The following ABCA12 variants were observed in gnomAD, a reference collection of about 807,000 sequenced individuals.
The protein encoded by ABCA12 is ATP binding cassette subfamily A member 12.
ABCA12 carries 156 observed loss-of-function variants against 293.5 expected under a neutral mutation model. That is an observed-to-expected ratio of 0.53 (90% CI 0.47 to 0.61). The LOEUF (loss-of-function observed/expected upper bound fraction) is 0.61, where lower values mean the gene tolerates loss of function less well. Ranked by LOEUF, ABCA12 falls within the 20% of genes least tolerant of loss-of-function variation. The probability of loss-of-function intolerance (pLI) is 0.00; values close to 1 mark genes in which losing one functional copy is unlikely to be tolerated. For synonymous variants in ABCA12, 1,063 were observed against 1,108.0 expected, an observed-to-expected ratio of 0.96 and a Z score of 0.81; for missense variants, 2,797 against 3,090.2, an observed-to-expected ratio of 0.91 and a Z score of 2.25.
chr2:214,978,912 G>A lies in ABCA12; in HGVS notation c.4869C>T (p.Phe1623=). The change falls in exon 32 of 53, where the codon TTC becomes TTT. Residue 1623 remains phenylalanine, a synonymous_variant. Transcript: ENST00000272895. The part of the protein sequence containing the change: ...GGELVYVLPP[F]STKVSGAYLS... The stretch of plus-strand genomic sequence containing the variant: ...GGTAGGCCCCTGAGACTTTGGTGCT[G>A]AATGGAGGAAGTACATAAACAAGCT... The A allele has an allele frequency of 1.2e-6, 2 of 1,614,072 alleles. No homozygotes were observed. Among genetic ancestry groups the A allele is most frequent in the South Asian group, 2.2e-5 (2 of 91,076 alleles).
chr2:215,096,806 G>T (rs1394444898), intron 2 of ABCA12, among the ~76,000 whole-genome samples: 1 of 152,126 alleles, frequency 6.6e-6, no homozygotes, highest in African/African-American at 2.4e-5. Flanking sequence ...ATTGCCATGG[G>T]TCATTCTTCA....
chr2:215,064,247 C>A (rs1422391578), intron 2 of ABCA12, 28 bp from the exon 3 acceptor site: 1 of 1,608,954 alleles, frequency 6.2e-7, no homozygotes, highest in East Asian at 2.2e-5. Context: ...GTCATTACAT[C>A]AGTATGGCAC....
intron 49 of ABCA12, among the ~76,000 whole-genome samples, chr2:214,944,468 AG>A (rs1698512665): frequency 6.6e-6 from 1 of 152,070 alleles, no homozygotes; most frequent in Non-Finnish European, 1.5e-5. Flanking sequence ...CAGCCAAAGA[AG>A]GGGCTTGGAG....
intron 1 of ABCA12, among the ~76,000 whole-genome samples, chr2:215,118,498 CA>C (rs1480254811): frequency 6.6e-6 from 1 of 152,004 alleles, no homozygotes; most frequent in Non-Finnish European, 1.5e-5. Context: ...ACTCCAAAAA[CA>C]AAAACAAAAG....
chr2:215,079,582 A>G (rs1701897005), intron 2 of ABCA12, among the ~76,000 whole-genome samples: 1 of 152,196 alleles, frequency 6.6e-6, no homozygotes. Context: ...AAATGTCATT[A>G]ATGTCTCCCA....
At chr2:215,046,536 T>C (rs1057232008) in intron 6 of ABCA12, among the ~76,000 whole-genome samples, 7 of 149,300 alleles carry the variant, frequency 4.7e-5, no homozygotes, top group African/African-American at 1.7e-4. Flanking sequence ...TATATATACA[T>C]AATTCAGGAA....
rs372196196 is a variant in ABCA12 at position 215,007,820 on chromosome 2, C to T, written c.2499G>A (p.Ala833=). The T allele has an allele frequency of 1.2e-4, 189 of 1,613,778 alleles. 3 individuals carry two copies. In the Admixed American group the frequency reaches 1.4e-3, roughly 12 times the overall value. ...ACTCTTGAGATTTTTCTCTTAATTC[C>T]GCCAGCTGTCTCAGAGTTACATTGG... ...EKSNVTLRQL[A]ELREKSQEWM... Residue 833 remains alanine, a synonymous_variant, in exon 19 of 53, where the codon GCG becomes GCA. Coordinates refer to ENST00000272895, the MANE Select transcript of ABCA12 (RefSeq NM_173076.3).
intron 50 of ABCA12, among the ~76,000 whole-genome samples, chr2:214,942,048 T>G (rs1261963462): frequency 6.6e-6 from 1 of 152,222 alleles, no homozygotes; most frequent in African/African-American, 2.4e-5. Context: ...AGTTTCTTCA[T>G]AGTGTTGATG....
rs1276312600 is a variant in ABCA12, at chr2:215,138,124, C to G, written c.69+16G>C. 6.2e-7 allele frequency: 1 copy of G among 1,611,454 alleles called. No individual in the cohort carries two copies. The highest frequency in any genetic ancestry group is 1.1e-5 in the South Asian group (1 of 91,022). ...TTGCCCCATGACCCATACTCCCACA[C>G]TTTTTTTTAACTCACCGGCTGCCTT... is the stretch of plus-strand genomic sequence containing the variant. On this transcript the variant is annotated intron_variant, in intron 1 of 52. Transcript: ENST00000272895.
chr2:214,980,363 G>A (rs2105963827), intron 31 of ABCA12, 120 bp downstream of exon 31: 1 of 1,354,876 alleles, frequency 7.4e-7, no homozygotes. Flanking sequence ...AATATGAGAA[G>A]CAGTAAGCTA....
chr2:215,036,121 A>G (rs1056244557), intron 8 of ABCA12, among the ~76,000 whole-genome samples: 2 of 152,202 alleles, frequency 1.3e-5, no homozygotes, highest in East Asian at 1.9e-4. Flanking sequence ...CTAACCATCA[A>G]TTCTGAAACT....
At chr2:215,123,523 A>G (rs1197203530) in intron 1 of ABCA12, among the ~76,000 whole-genome samples, 1 of 152,134 alleles carries the variant, frequency 6.6e-6, no homozygotes, top group Non-Finnish European at 1.5e-5. Context: ...GGTTGTTTCC[A>G]TGACTTTGCT....
At chr2:214,992,717 C>G (rs949060698) in intron 23 of ABCA12, among the ~76,000 whole-genome samples, 8 of 151,614 alleles carry the variant, frequency 5.3e-5, no homozygotes, top group African/African-American at 1.5e-4. Context: ...CAAAAATTAG[C>G]CGGGCATGGT....
At chr2:214,971,158 T>A (rs1344406552) in intron 36 of ABCA12, among the ~76,000 whole-genome samples, 6 of 152,142 alleles carry the variant, frequency 3.9e-5, no homozygotes. Context: ...CAATGAAGTT[T>A]AGTATGGGAA....
In ABCA12 at chr2:214,982,523, A is replaced by C. The variant is rs376929902; in HGVS notation, c.4383-140T>G. ...AGGTACAATAAACTCTTGAGGATTC[A>C]TAATATAGTTTTCTATTATTTATCA... On this transcript the variant is annotated intron_variant, in intron 29 of 52. Transcript: ENST00000272895. 14 of 659,148 alleles carry C rather than the reference A, an allele frequency of 2.1e-5. No individual in the cohort carries two copies. In the Middle Eastern group the frequency reaches 1.2e-3, roughly 59 times the overall value. 40.8% of individuals were successfully genotyped at this position (659,148 alleles called of 1,614,324 possible). A position where few individuals can be genotyped will look rare whatever the true frequency, so the allele number is the denominator to read the frequency against.
At chr2:215,052,608 T>C (rs1701342107) in intron 4 of ABCA12, 24 bp from the exon 5 acceptor site, 1 of 1,578,170 alleles carries the variant, frequency 6.3e-7, no homozygotes, top group Non-Finnish European at 8.7e-7. Flanking sequence ...AGGAACAGAT[T>C]AGCATTCCAC....
intron 18 of ABCA12, 31 bp downstream of exon 18, chr2:215,010,300 C>A (rs1348465191): frequency 1.2e-6 from 2 of 1,612,758 alleles, no homozygotes; most frequent in South Asian, 1.1e-5. Context: ...TCTTAATAGT[C>A]AAAATAGAAA....
At position 214,980,555 on chromosome 2, in the gene ABCA12, C is replaced by A; in HGVS notation, c.4668G>T (p.Arg1556Ser). ...TGAGGTAAAATGGGGACCCACAGCA[C>A]CTAAGCCCACCCTGCTCCAGGAAGG... is the stretch of plus-strand genomic sequence containing the variant. ...RIAFLEQGGL[R>S]CCGSPFYLKE... Residue 1556 changes from arginine to serine, a missense_variant, in exon 31 of 53, where the codon AGG becomes AGT. By Grantham distance (110) the Arg-to-Ser change is moderately radical. Coordinates refer to ENST00000272895, the MANE Select transcript of ABCA12 (RefSeq NM_173076.3). The A allele has an allele frequency of 6.2e-7, 1 of 1,614,020 alleles. No individual in the cohort carries two copies. The highest frequency in any genetic ancestry group is 1.7e-4 in the Middle Eastern group (1 of 6,020).
At chr2:215,011,923 T>G (rs1362312106) in intron 16 of ABCA12, 48 bp downstream of exon 16, 8 of 1,567,610 alleles carry the variant, frequency 5.1e-6, no homozygotes, top group Non-Finnish European at 4.4e-6. Context: ...CTACTCAATA[T>G]GACAGAAGGC....
Sources: allele counts gnomAD v4.1 joint callset (sites outside exome capture counted in the v4.1 genomes callset), GRCh38; gene constraint gnomAD v4.1.1; transcripts MANE v1.5; gene names NCBI Gene and HGNC (gene_info 2026-07-23, HGNC 2026-07-21).